The following TEX11 variants were observed in gnomAD, a reference collection of about 807,000 sequenced individuals.
The protein encoded by TEX11 is testis-expressed protein 11.
Under a neutral mutation model 84.4 loss-of-function variants are expected in TEX11, and 7 were observed. The observed-to-expected ratio is 0.08, with a 90% confidence interval of 0.05 to 0.16. The LOEUF (loss-of-function observed/expected upper bound fraction) is 0.16, where lower values mean the gene tolerates loss of function less well. TEX11 is among the 10% of genes least tolerant of loss of function. TEX11 has a pLI of 1.00. For synonymous variants in TEX11, 264 were observed against 222.8 expected, an observed-to-expected ratio of 1.18 and a Z score of -1.64; for missense variants, 551 against 660.5, an observed-to-expected ratio of 0.83 and a Z score of 1.82.
intron 17 of TEX11, among the ~76,000 whole-genome samples, chrX:70,632,383 G>A (rs962219801): frequency 2.7e-5 from 3 of 111,046 alleles, no homozygotes; most frequent in Non-Finnish European, 5.7e-5. Context: ...CAAGGTAGGA[G>A]GATCGTTTGA....
At chrX:70,674,124 TC>T (rs1040308623) in intron 15 of TEX11, among the ~76,000 whole-genome samples, 4 of 110,963 alleles carry the variant, frequency 3.6e-5, no homozygotes, top group African/African-American at 9.8e-5. Flanking sequence ...ATCATTTAAC[TC>T]CCACTTATAA....
intron 20 of TEX11, among the ~76,000 whole-genome samples, chrX:70,617,086 C>T (rs1463650249): frequency 9.0e-6 from 1 of 110,699 alleles, no homozygotes; most frequent in East Asian, 2.8e-4. Flanking sequence ...GTGATTATTA[C>T]ACATTGTATG....
intron 25 of TEX11, among the ~76,000 whole-genome samples, chrX:70,569,909 T>G (rs2088564890): frequency 8.9e-6 from 1 of 111,822 alleles, no homozygotes; most frequent in Non-Finnish European, 1.9e-5. Flanking sequence ...TCCAGCTGTG[T>G]GCTGGGAGAA....
intron 15 of TEX11, among the ~76,000 whole-genome samples, chrX:70,673,959 A>G (rs2090046798): frequency 9.1e-6 from 1 of 110,154 alleles, no homozygotes; most frequent in Non-Finnish European, 1.9e-5. Flanking sequence ...AGGTAAACAC[A>G]TGTCACAGGG....
chrX:70,762,203 G>C (rs1183041535), intron 9 of TEX11, among the ~76,000 whole-genome samples: 1 of 112,003 alleles, frequency 8.9e-6, no homozygotes, highest in Non-Finnish European at 1.9e-5. Flanking sequence ...TGAGCAGTAA[G>C]TAATCACTTG....
At chrX:70,521,539 AG>A in the TEX11 span, among the ~76,000 whole-genome samples, 1 of 111,505 alleles carries the variant, frequency 9.0e-6, no homozygotes, top group East Asian at 2.8e-4. Context: ...GGCCTCTCAA[AG>A]TGTTGGGATT....
intron 8 of TEX11, among the ~76,000 whole-genome samples, chrX:70,813,479 C>T (rs2091269215): frequency 9.0e-6 from 1 of 111,428 alleles, no homozygotes; most frequent in South Asian, 3.8e-4. Flanking sequence ...ATGACAAACC[C>T]ACAGCCAATA....
At position 70,538,031 on chromosome X, in the gene TEX11, G is replaced by C. The variant is rs754007676; in HGVS notation, c.2521-8032C>G. ...CAGGTAATTTAGTCCCTTCTGCTGA[G>C]AAAAAGGGAGTTGGAAAAGATGAGA... On this transcript the variant is annotated intron_variant, in intron 28 of 29. Coordinates refer to ENST00000374333, the MANE Select transcript of TEX11 (RefSeq NM_031276.3). Among the ~76,000 whole-genome samples the C allele has an allele frequency of 6.9e-4, 77 of 111,526 alleles. 1 individual carries two copies. The highest frequency in any genetic ancestry group is 9.2e-3 in the Middle Eastern group (2 of 218).
intron 13 of TEX11, among the ~76,000 whole-genome samples, chrX:70,687,364 G>T (rs1329755835): frequency 9.0e-6 from 1 of 111,140 alleles, no homozygotes; most frequent in East Asian, 2.8e-4. Flanking sequence ...TTTAATTACT[G>T]TTCACATTTA....
intron 27 of TEX11, 89 bp from the exon 28 acceptor site, chrX:70,552,335 G>C: frequency 9.5e-7 from 1 of 1,058,100 alleles, no homozygotes; most frequent in South Asian, 2.5e-5. Flanking sequence ...TCTCATCCCA[G>C]ACTAACAGCT....
rs1013865887 is a variant in TEX11 at position 70,656,660 on chromosome X, T to A, written c.1381-5108A>T. Among the ~76,000 whole-genome samples, 3 of 111,088 alleles carry A rather than the reference T, an allele frequency of 2.7e-5. No homozygotes were observed. The East Asian group carries it at 8.4e-4, about 31-fold the overall frequency. On this transcript the variant is annotated intron_variant, in intron 16 of 29. Coordinates refer to ENST00000374333, the MANE Select transcript of TEX11 (RefSeq NM_031276.3). ...ACAAGACCTGCATTATGTCAGCATC[T>A]GTACAGGATGAAGAAAAAAAAGGAA...
At chrX:70,534,090 CAAAAAAAAA>C (rs1168310559) in intron 28 of TEX11, among the ~76,000 whole-genome samples, 3 of 21,730 alleles carry the variant, frequency 1.4e-4, no homozygotes, top group Non-Finnish European at 2.2e-4. Context: ...GACTCCATCT[CAAAAAAAAA>C]AAAAAAAAAA....
intron 13 of TEX11, among the ~76,000 whole-genome samples, chrX:70,688,434 C>CA (rs1338954959): frequency 1.8e-5 from 2 of 110,871 alleles, no homozygotes; most frequent in East Asian, 2.8e-4. Flanking sequence ...CTATCAGTCA[C>CA]AAAAAAGACA....
At chrX:70,670,562 A>T (rs371172111) in intron 15 of TEX11, 48 bp from the exon 16 acceptor site, 1 of 1,146,806 alleles carries the variant, frequency 8.7e-7, no homozygotes, top group Non-Finnish European at 1.2e-6. Context: ...TCGCTACCCT[A>T]TCTTTCCCAA....
At chrX:70,838,371 C>T (rs754164323) in intron 7 of TEX11, among the ~76,000 whole-genome samples, 3 of 111,981 alleles carry the variant, frequency 2.7e-5, no homozygotes, top group African/African-American at 9.7e-5. Flanking sequence ...TGCAGTGAGC[C>T]AAGATGGCAC....
chrX:70,812,693 T>C (rs1435961768), intron 8 of TEX11, among the ~76,000 whole-genome samples: 1 of 110,611 alleles, frequency 9.0e-6, no homozygotes, highest in Non-Finnish European at 1.9e-5. Flanking sequence ...AATTGATAGA[T>C]CGCTAGCAAG....
At chrX:70,662,981 A>G (rs2089944157) in intron 16 of TEX11, among the ~76,000 whole-genome samples, 1 of 111,758 alleles carries the variant, frequency 8.9e-6, no homozygotes, top group Non-Finnish European at 1.9e-5. Flanking sequence ...CCTAAAATGA[A>G]TGCATTTTTG....
chrX:70,693,488 G>A (rs938970033), intron 13 of TEX11, among the ~76,000 whole-genome samples: 27 of 111,564 alleles, frequency 2.4e-4, no homozygotes, highest in African/African-American at 8.8e-4. Context: ...GGGATGTTAT[G>A]TTAAGTTAAA....
intron 2 of TEX11, among the ~76,000 whole-genome samples, chrX:70,881,005 C>CAAAAAAAAAA (rs11284342): frequency 2.2e-5 from 1 of 46,231 alleles, no homozygotes; most frequent in Non-Finnish European, 3.7e-5. Flanking sequence ...AGACATCATC[C>CAAAAAAAAAA]AAAAAAAAAA....
Sources: allele counts gnomAD v4.1 joint callset (sites outside exome capture counted in the v4.1 genomes callset), GRCh38; gene constraint gnomAD v4.1.1; transcripts MANE v1.5; gene names NCBI Gene and HGNC (gene_info 2026-07-23, HGNC 2026-07-21).